Variants in ZMYND8 observed in about 807,000 individuals in gnomAD.
ZMYND8 encodes MYND-type zinc finger-containing chromatin reader ZMYND8.
Under a neutral mutation model 140.8 loss-of-function variants are expected in ZMYND8, and 37 were observed. The ratio of observed to expected loss-of-function variants is 0.26; its 90% CI spans 0.20 to 0.35. The LOEUF (loss-of-function observed/expected upper bound fraction) is 0.35. Among genes scored for constraint, ZMYND8 ranks in the 10% least tolerant of loss-of-function variants. The pLI is 1.00. For synonymous variants in ZMYND8, 592 were observed against 597.1 expected (o/e 0.99, Z 0.12); for missense variants, 1,068 against 1,570.0 (o/e 0.68, Z 5.40).
rs1255063499 is a variant in ZMYND8 at position 47,261,703 on chromosome 20, G to A, written c.1621+585C>T. 3.3e-5 allele frequency among the ~76,000 whole-genome samples: 5 copies of A among 152,112 alleles called. No individual in the cohort carries two copies. The East Asian group carries it at 9.6e-4, about 29-fold the overall frequency. ...ACTGATTCCTCCTACTTGCTTCTGT[G>A]CCATGGGTATAATTTGCAAATAGAA... On this transcript the variant is annotated intron_variant, in intron 12 of 22. Transcript: ENST00000471951.
intron 12 of ZMYND8, among the ~76,000 whole-genome samples, chr20:47,250,523 C>T (rs530431092): frequency 2.3e-4 from 35 of 152,324 alleles, no homozygotes; most frequent in African/African-American, 8.4e-4. Flanking sequence ...CAACAGCTAT[C>T]AGGTTGCTCC....
intron 12 of ZMYND8, among the ~76,000 whole-genome samples, chr20:47,253,172 G>A (rs900246905): frequency 5.3e-5 from 8 of 152,164 alleles, no homozygotes; most frequent in Non-Finnish European, 1.2e-4. Flanking sequence ...AAAATCCTGA[G>A]GCCTGAGCCC....
At position 47,321,856 on chromosome 20, in the gene ZMYND8, C is replaced by CTTT. The variant is rs60425976; in HGVS notation, c.86-11655_86-11653dup. On this transcript the variant is annotated intron_variant, in intron 2 of 22. Coordinates refer to ENST00000471951, the MANE Select transcript of ZMYND8 (RefSeq NM_001281775.3). The stretch of plus-strand genomic sequence containing the variant: ...ATCGATTTATTTAAAACTCGCCGCC[C>CTTT]TTTTTTTTTTTTTTTTTTTTTTGAA... 7.1e-4 allele frequency among the ~76,000 whole-genome samples: 88 copies of CTTT among 123,456 alleles called. 1 individual carries two copies. Among genetic ancestry groups the CTTT allele is most frequent in the African/African-American group, 2.1e-3 (63 of 30,408 alleles). The allele number at this position is 123,456 out of a possible 152,430, so 81.0% of individuals were successfully genotyped here.
At chr20:47,218,207 T>C (rs1468984296) in intron 21 of ZMYND8, among the ~76,000 whole-genome samples, 1 of 152,180 alleles carries the variant, frequency 6.6e-6, no homozygotes, top group African/African-American at 2.4e-5. Flanking sequence ...CTCTCCCAAC[T>C]ACCTTCCTGT....
chr20:47,279,986 T>C (rs1482844483), intron 10 of ZMYND8, among the ~76,000 whole-genome samples: 5 of 151,664 alleles, frequency 3.3e-5, no homozygotes, highest in African/African-American at 1.2e-4. Context: ...TAGTTGGGCG[T>C]AGTGGCACAT....
rs778235879 is a variant in ZMYND8, at chr20:47,224,424, T to G, written c.3149A>C (p.Asn1050Thr). ...GTAAAAGATGGCCTCCTTCTTGCAG[T>G]TGGCGCACCACTGCTTCTTCTTGGT... ...DETKKKQWCA[N>T]CKKEAIFYCC... The change falls in exon 19 of 23, where the codon AAC (asparagine) becomes ACC (threonine). Residue 1050 changes from asparagine (N) to threonine (T), a missense_variant. By Grantham distance (65) the Asn-to-Thr change is moderately conservative (BLOSUM62 0). Coordinates refer to ENST00000471951, the MANE Select transcript of ZMYND8 (RefSeq NM_001281775.3). 12 of 1,614,152 alleles carry G rather than the reference T, an allele frequency of 7.4e-6. No individual in the cohort carries two copies. Among genetic ancestry groups the G allele is most frequent in the Non-Finnish European group, 1.0e-5 (12 of 1,180,050 alleles).
At chr20:47,299,755 C>T (rs772978077) in intron 3 of ZMYND8, among the ~76,000 whole-genome samples, 2 of 151,778 alleles carry the variant, frequency 1.3e-5, no homozygotes, top group Non-Finnish European at 2.9e-5. Context: ...GGCTAATTTT[C>T]GTATTTTTAG....
rs1287249624 is a variant in ZMYND8, at chr20:47,355,810, T to G, written c.14+847A>C. On this transcript the variant is annotated intron_variant, in intron 1 of 22. Coordinates refer to ENST00000471951, the MANE Select transcript of ZMYND8 (RefSeq NM_001281775.3). ...GCAGATTTTTTTTTTTTTTTTTTTT[T>G]GCAGGATGTTGTCCAAGATCTCTCC... is the stretch of plus-strand genomic sequence containing the variant. Among the ~76,000 whole-genome samples, 4 of 137,780 alleles carry G rather than the reference T, an allele frequency of 2.9e-5. No individual in the cohort carries two copies. The East Asian group carries it at 6.1e-4, about 21-fold the overall frequency. The allele number at this position is 137,780 out of a possible 152,430, so 90.4% of individuals were successfully genotyped here.
chr20:47,255,609 T>TAC (rs1555924113), intron 12 of ZMYND8, among the ~76,000 whole-genome samples: 50,313 of 131,038 alleles, frequency 0.38, 10,581 homozygotes, highest in South Asian at 0.47. Context: ...TATATATATA[T>TAC]ACACACCATA....
rs144219305 is a variant in ZMYND8, at chr20:47,276,562, A to G, written c.1232T>C (p.Ile411Thr). 29 of 1,613,700 alleles carry G rather than the reference A, an allele frequency of 1.8e-5. No individual in the cohort carries two copies. In the African/African-American group the frequency reaches 3.2e-4, roughly 18 times the overall value. ...GAGCTTGACCTTCTCCTGCTTGTCT[A>G]TCTTGGCAGTGCCGGCGCTGGGGTT... ...PTNPSAGTAK[I>T]DKQEKVKLNF... Residue 411 changes from isoleucine (I) to threonine (T), a missense_variant, in exon 11 of 23, where the codon ATA becomes ACA. Ile to Thr is a moderately conservative substitution (Grantham distance 89). Transcript: ENST00000471951.
At chr20:47,273,790 G>A (rs377044591) in intron 11 of ZMYND8, among the ~76,000 whole-genome samples, 14 of 152,180 alleles carry the variant, frequency 9.2e-5, no homozygotes, top group East Asian at 1.9e-4. Context: ...TTGTGGCTAC[G>A]TTACTGCAAC....
At chr20:47,245,054 TC>T (rs1439379269) in intron 14 of ZMYND8, among the ~76,000 whole-genome samples, 2 of 151,908 alleles carry the variant, frequency 1.3e-5, no homozygotes, top group African/African-American at 4.8e-5. Context: ...CCAAATTCTG[TC>T]CGCCCCCCCT....
intron 14 of ZMYND8, among the ~76,000 whole-genome samples, chr20:47,239,720 T>C (rs184937041): frequency 6.6e-6 from 1 of 152,192 alleles, no homozygotes; most frequent in Non-Finnish European, 1.5e-5. Flanking sequence ...GCGGTACTGA[T>C]AGCCAGGACA....
chr20:47,317,797 C>T (rs2079532797), intron 2 of ZMYND8, among the ~76,000 whole-genome samples: 1 of 152,158 alleles, frequency 6.6e-6, no homozygotes, highest in Non-Finnish European at 1.5e-5. Flanking sequence ...CGTCAAAATG[C>T]ATGCAGAACC....
chr20:47,352,994 T>C (rs1336627005), intron 1 of ZMYND8: 1 of 152,258 alleles, frequency 6.6e-6, no homozygotes, highest in Admixed American at 6.5e-5. Context: ...TGAATGTATC[T>C]TTCTTTCCAG....
intron 2 of ZMYND8, among the ~76,000 whole-genome samples, chr20:47,346,513 C>T (rs1422021408): frequency 6.6e-6 from 1 of 152,194 alleles, no homozygotes; most frequent in East Asian, 1.9e-4. Context: ...GGGTGCCTCC[C>T]CTTCTGTGAC....
At chr20:47,226,707 G>GT (rs1483895152) in intron 18 of ZMYND8, among the ~76,000 whole-genome samples, 1 of 152,170 alleles carries the variant, frequency 6.6e-6, no homozygotes, top group Non-Finnish European at 1.5e-5. Flanking sequence ...TATCACAACA[G>GT]TTTGTGTAAT....
chr20:47,302,318 T>C (rs1047646363), intron 3 of ZMYND8, among the ~76,000 whole-genome samples: 3 of 151,866 alleles, frequency 2.0e-5, no homozygotes, highest in African/African-American at 7.3e-5. Context: ...CTACAAAAAA[T>C]ATAAAAATTA....
At chr20:47,317,725 T>A (rs1427309503) in intron 2 of ZMYND8, among the ~76,000 whole-genome samples, 7 of 152,134 alleles carry the variant, frequency 4.6e-5, no homozygotes, top group Non-Finnish European at 1.0e-4. Flanking sequence ...TATGCTCTCA[T>A]GGGCCAGGTT....
Sources: allele counts gnomAD v4.1 joint callset (sites outside exome capture counted in the v4.1 genomes callset), GRCh38; gene constraint gnomAD v4.1.1; transcripts MANE v1.5; gene names NCBI Gene and HGNC (gene_info 2026-07-23, HGNC 2026-07-21).